The following PTGER3 variants were observed in gnomAD, a reference collection of about 807,000 sequenced individuals.
PTGER3 encodes prostaglandin E receptor 3.
A neutral mutation model predicts 34.7 loss-of-function variants in PTGER3; 22 were observed. That is an observed-to-expected ratio of 0.63 (90% CI 0.45 to 0.91). The LOEUF (loss-of-function observed/expected upper bound fraction) is 0.91. Among genes scored for constraint, PTGER3 ranks in the 40% least tolerant of loss-of-function variants. PTGER3 has a pLI of 0.00. For missense variants in PTGER3, 468 were observed against 519.4 expected, an observed-to-expected ratio of 0.90 and a Z score of 0.96; for synonymous variants, 241 against 230.1, an observed-to-expected ratio of 1.05 and a Z score of -0.43.
intron 2 of PTGER3, chr1:71,011,946 A>T: frequency 3.2e-6 from 4 of 1,255,866 alleles, no homozygotes; most frequent in Non-Finnish European, 4.0e-6. Context: ...TTTATAAAAA[A>T]TGTTTTCATC....
intron 2 of PTGER3, among the ~76,000 whole-genome samples, chr1:70,963,064 A>C (rs1435112783): frequency 6.6e-6 from 1 of 152,190 alleles, no homozygotes; most frequent in Non-Finnish European, 1.5e-5. Context: ...GGCCCCACCC[A>C]ATTATGAATT....
intron 2 of PTGER3, among the ~76,000 whole-genome samples, chr1:70,978,360 T>C (rs1250202889): frequency 6.6e-6 from 1 of 152,208 alleles, no homozygotes; most frequent in Non-Finnish European, 1.5e-5. Flanking sequence ...TAAGCTGGAA[T>C]GAACACATTA....
chr1:70,894,236 T>C (rs1646677873), intron 4 of PTGER3, among the ~76,000 whole-genome samples: 1 of 125,854 alleles, frequency 7.9e-6, no homozygotes, highest in African/African-American at 3.0e-5. Context: ...TTGAACCTGG[T>C]GGGCGGAGGT....
At chr1:71,033,893 T>A (rs1316251760) in intron 1 of PTGER3, among the ~76,000 whole-genome samples, 1 of 152,194 alleles carries the variant, frequency 6.6e-6, no homozygotes, top group African/African-American at 2.4e-5. Context: ...TTGTTATTTT[T>A]CTGCTTAAAA....
chr1:70,929,692 C>G (rs1008601656), intron 4 of PTGER3, among the ~76,000 whole-genome samples: 3 of 152,130 alleles, frequency 2.0e-5, no homozygotes, highest in Non-Finnish European at 2.9e-5. Context: ...AAGTTACTGA[C>G]GAACGATGGA....
rs36106405 is a variant in PTGER3, at chr1:70,901,325, T to C, written c.*24-48466A>G. On this transcript the variant is annotated intron_variant, in intron 4 of 4. Transcript: ENST00000370931. ...CATCAGCTGTTATGTGGAGGTTGGA[T>C]ATGAAGAACAGGAATTGTGAAATAT... Among the ~76,000 whole-genome samples, 30 of 152,308 alleles carry C rather than the reference T, an allele frequency of 2.0e-4. No homozygotes were observed. In the East Asian group the frequency reaches 5.8e-3, roughly 29 times the overall value.
At chr1:70,959,049 G>C (rs1263967159) in intron 2 of PTGER3, among the ~76,000 whole-genome samples, 1 of 152,172 alleles carries the variant, frequency 6.6e-6, no homozygotes, top group East Asian at 1.9e-4. Context: ...TTTTATGCCA[G>C]TATTATTCTG....
At chr1:70,954,852 G>T (rs1287764722) in intron 2 of PTGER3, among the ~76,000 whole-genome samples, 1 of 149,366 alleles carries the variant, frequency 6.7e-6, no homozygotes, top group Non-Finnish European at 1.5e-5. Flanking sequence ...TTAAAAAAAA[G>T]AAACTACAAA....
At chr1:71,026,605 C>G (rs1658947006) in intron 1 of PTGER3, among the ~76,000 whole-genome samples, 3 of 151,454 alleles carry the variant, frequency 2.0e-5, no homozygotes, top group Admixed American at 2.0e-4. Flanking sequence ...CTGCTTTTGT[C>G]TCTTCTATTG....
At chr1:70,977,179 G>A (rs1386260736) in intron 2 of PTGER3, among the ~76,000 whole-genome samples, 6 of 152,038 alleles carry the variant, frequency 3.9e-5, no homozygotes, top group African/African-American at 1.5e-4. Context: ...TTTTCCTATG[G>A]CAATTCTGAA....
At chr1:70,969,156 G>A (rs919949228), downstream of PTGER3, among the ~76,000 whole-genome samples, 1 of 152,054 alleles carries the variant, frequency 6.6e-6, no homozygotes, top group Admixed American at 6.6e-5. Context: ...GCAGTGACCC[G>A]AGATCGCACC....
chr1:70,949,780 C>G (rs1347095858), downstream of PTGER3, among the ~76,000 whole-genome samples: 1 of 152,090 alleles, frequency 6.6e-6, no homozygotes, highest in Non-Finnish European at 1.5e-5. Flanking sequence ...AATATGATTA[C>G]CAGTAGTTAC....
chr1:70,953,808 A>T, intron 2 of PTGER3: 1 of 1,239,278 alleles, frequency 8.1e-7, no homozygotes. Flanking sequence ...GAGTAATAAC[A>T]GTATAAGCTT....
downstream of PTGER3, among the ~76,000 whole-genome samples, chr1:70,948,339 C>G (rs1481958975): frequency 6.6e-6 from 1 of 152,102 alleles, no homozygotes; most frequent in Non-Finnish European, 1.5e-5. Context: ...TTTCCCCACC[C>G]TGCTTTGCTC....
intron 1 of PTGER3, among the ~76,000 whole-genome samples, chr1:71,021,557 A>G (rs1474792475): frequency 6.7e-6 from 1 of 149,674 alleles, no homozygotes; most frequent in Non-Finnish European, 1.5e-5. Flanking sequence ...CAGATGTCAA[A>G]AGAAAGTCTA....
intron 4 of PTGER3, among the ~76,000 whole-genome samples, chr1:70,896,024 C>G (rs1646716507): frequency 6.6e-6 from 1 of 152,206 alleles, no homozygotes. Flanking sequence ...CTGGGAAAGA[C>G]TGCCCTTTGC....
At chr1:70,898,306 G>C (rs947312278) in intron 4 of PTGER3, among the ~76,000 whole-genome samples, 1 of 151,914 alleles carries the variant, frequency 6.6e-6, no homozygotes, top group African/African-American at 2.4e-5. Context: ...CTTTTCTTTG[G>C]TATTCAGCCA....
intron 1 of PTGER3, among the ~76,000 whole-genome samples, chr1:71,025,171 T>A (rs113791497): frequency 0.09 from 13,520 of 149,572 alleles, 777 homozygotes; most frequent in African/African-American, 0.14. Context: ...CTTCTTTCCT[T>A]CCTTTTTTTC....
chr1:70,876,543 A>C (rs1159111592), intron 4 of PTGER3, among the ~76,000 whole-genome samples: 1 of 152,078 alleles, frequency 6.6e-6, no homozygotes, highest in African/African-American at 2.4e-5. Context: ...GCCTATGTCC[A>C]GAATGATGTT....
Sources: gnomAD v4.1 joint callset for allele counts (sites outside exome capture counted in the v4.1 genomes callset) on GRCh38, gnomAD v4.1.1 for gene constraint, MANE v1.5 for transcripts, NCBI Gene and HGNC (gene_info 2026-07-23, HGNC 2026-07-21) for gene names.